DNAH14: variants seen among roughly 807,000 people sequenced by gnomAD.
The protein encoded by DNAH14 is dynein axonemal heavy chain 14.
A neutral mutation model predicts 520.9 loss-of-function variants in DNAH14; 478 were observed. The ratio of observed to expected loss-of-function variants is 0.92; its 90% CI spans 0.85 to 0.99. DNAH14 has a LOEUF of 0.99. Among genes scored for constraint, DNAH14 ranks in the 50% least tolerant of loss-of-function variants. DNAH14 has a pLI of 0.00. For synonymous variants in DNAH14, 1,581 were observed against 1,757.2 expected (o/e 0.90, Z 2.51); for missense variants, 4,831 against 5,234.5 (o/e 0.92, Z 2.38).
chr1:225,171,541 A>G (rs1344550837), intron 36 of DNAH14, among the ~76,000 whole-genome samples: 1 of 152,232 alleles, frequency 6.6e-6, no homozygotes, highest in African/African-American at 2.4e-5. Context: ...AAATTTCTCG[A>G]CACATACACC....
intron 36 of DNAH14, among the ~76,000 whole-genome samples, chr1:225,184,195 G>A (rs1306945926): frequency 6.6e-6 from 1 of 152,092 alleles, no homozygotes; most frequent in Non-Finnish European, 1.5e-5. Flanking sequence ...CAAAATACTA[G>A]CAAACTAAAT....
intron 8 of DNAH14, among the ~76,000 whole-genome samples, chr1:224,977,594 T>C (rs1184541495): frequency 6.6e-6 from 1 of 152,186 alleles, no homozygotes; most frequent in Non-Finnish European, 1.5e-5. Context: ...CACAGATGTA[T>C]ACTTATCTCC....
intron 35 of DNAH14, among the ~76,000 whole-genome samples, chr1:225,163,362 C>T (rs1296614682): frequency 6.6e-6 from 1 of 152,024 alleles, no homozygotes; most frequent in Non-Finnish European, 1.5e-5. Context: ...TTTCTCTTGT[C>T]TGATTGCTCC....
At chr1:224,978,324 A>G (rs985923107) in intron 8 of DNAH14, among the ~76,000 whole-genome samples, 12 of 152,248 alleles carry the variant, frequency 7.9e-5, no homozygotes, top group Admixed American at 4.6e-4. Flanking sequence ...CTATTCAACC[A>G]GAAAAAAAAG....
rs2095457476 is a variant in DNAH14, at chr1:225,358,548, C to A, written c.11672C>A (p.Thr3891Asn). 6.5e-7 allele frequency: 1 copy of A among 1,546,896 alleles called. No individual in the cohort carries two copies. The highest frequency in any genetic ancestry group is 8.7e-7 in the Non-Finnish European group (1 of 1,144,894). ...SLNNSVRKFI[T>N]EKMGNKYLQR... The stretch of plus-strand genomic sequence containing the variant: ...AACAATTCAGTGAGAAAGTTTATAA[C>A]TGAAAAAATGGGAAATAAGTATCTT... The change falls in exon 74 of 86, where the codon ACT (threonine) becomes AAT (asparagine). Residue 3891 changes from threonine to asparagine, a missense_variant. Transcript: ENST00000682510.
intron 81 of DNAH14, among the ~76,000 whole-genome samples, chr1:225,387,030 A>C (rs1400401342): frequency 6.6e-6 from 1 of 152,222 alleles, no homozygotes; most frequent in East Asian, 1.9e-4. Context: ...AATGTGGCAC[A>C]TATACATCAT....
intron 43 of DNAH14, among the ~76,000 whole-genome samples, chr1:225,242,072 A>C (rs998400699): frequency 6.6e-6 from 1 of 152,118 alleles, no homozygotes; most frequent in African/African-American, 2.4e-5. Context: ...AAAACAAATG[A>C]GTGAATAAAT....
intron 19 of DNAH14, among the ~76,000 whole-genome samples, chr1:225,081,368 T>A (rs3105560): frequency 0.8 from 121,081 of 151,896 alleles, 51,627 homozygotes; most frequent in Non-Finnish European, 0.96. Flanking sequence ...TTAAAATTAT[T>A]TAAGAAATAT....
intron 35 of DNAH14, among the ~76,000 whole-genome samples, chr1:225,161,146 A>G (rs542007479): frequency 6.6e-6 from 1 of 152,160 alleles, no homozygotes; most frequent in South Asian, 2.1e-4. Flanking sequence ...CACATTAACC[A>G]TCCCCACTTT....
chr1:225,035,527 A>C (rs1469326850), intron 11 of DNAH14, among the ~76,000 whole-genome samples: 1 of 151,456 alleles, frequency 6.6e-6, no homozygotes, highest in Non-Finnish European at 1.5e-5. Context: ...TTGAGGTAGA[A>C]ACTTACACCT....
At chr1:224,937,411 GCAAA>G (rs1312331694) in intron 1 of DNAH14, among the ~76,000 whole-genome samples, 1 of 151,634 alleles carries the variant, frequency 6.6e-6, no homozygotes, top group Non-Finnish European at 1.5e-5. Flanking sequence ...TACACCAAAA[GCAAA>G]CAATCTGAAA....
chr1:225,266,510 C>T (rs2093124590), intron 48 of DNAH14, 131 bp from the exon 49 acceptor site: 1 of 529,744 alleles, frequency 1.9e-6, no homozygotes, highest in South Asian at 5.4e-5. Context: ...CATGTTATTA[C>T]ATATGATTTT....
intron 21 of DNAH14, among the ~76,000 whole-genome samples, chr1:225,086,289 C>T (rs567929464): frequency 1.7e-4 from 20 of 119,958 alleles, no homozygotes; most frequent in Admixed American, 5.3e-4. Context: ...CCCGCCACGA[C>T]GCCCGGCTAA....
chr1:225,359,686 G>A (rs1209560646), intron 74 of DNAH14, among the ~76,000 whole-genome samples: 3 of 152,178 alleles, frequency 2.0e-5, no homozygotes, highest in Non-Finnish European at 4.4e-5. Flanking sequence ...CTCATAGTAG[G>A]TACTATCCAT....
At chr1:225,326,111 C>G (rs1200955200) in intron 64 of DNAH14, among the ~76,000 whole-genome samples, 1 of 152,168 alleles carries the variant, frequency 6.6e-6, no homozygotes, top group Non-Finnish European at 1.5e-5. Flanking sequence ...TTAGCACTTA[C>G]TGTGTTCCAA....
Position 225,051,760 on chromosome 1 carries a change from T to C in DNAH14, c.2389T>C (p.Ser797Pro). 6.7e-7 allele frequency: 1 copy of C among 1,501,204 alleles called. No individual in the cohort carries two copies. The allele number at this position is 1,501,204 out of a possible 1,614,324, so 93.0% of individuals were successfully genotyped here. A position where few individuals can be genotyped will look rare whatever the true frequency, so the allele number is the denominator to read the frequency against. Residue 797 changes from serine (S) to proline (P), a missense_variant, in exon 17 of 86, where the codon TCT (serine) becomes CCT (proline). Physicochemically the swap from Ser to Pro is moderately conservative, Grantham distance 74. Coordinates refer to ENST00000682510, the MANE Select transcript of DNAH14 (RefSeq NM_001367479.1). ...ACATATGAGCCACACCCTCATACAA[T>C]CTGTAATTGAAAAAAAGAACAAAAA... is the stretch of plus-strand genomic sequence containing the variant. ...VIHMSHTLIQ[S>P]VIEKKNKNLL...
intron 3 of DNAH14, among the ~76,000 whole-genome samples, chr1:224,956,025 A>G (rs1296140612): frequency 6.6e-6 from 1 of 152,114 alleles, no homozygotes; most frequent in East Asian, 1.9e-4. Flanking sequence ...TAATTAATTT[A>G]TAAATAAAAT....
At chr1:225,084,896 G>T (rs904820934) in intron 20 of DNAH14, among the ~76,000 whole-genome samples, 1 of 146,082 alleles carries the variant, frequency 6.8e-6, no homozygotes, top group Non-Finnish European at 1.5e-5. Context: ...GAACTTTGAT[G>T]GTTCTATAGT....
intron 23 of DNAH14, among the ~76,000 whole-genome samples, chr1:225,113,696 C>T (rs1001659517): frequency 6.6e-6 from 1 of 152,220 alleles, no homozygotes; most frequent in African/African-American, 2.4e-5. Context: ...AACCACAAGA[C>T]ACAGTCCTTC....
Sources: gnomAD v4.1 joint callset for allele counts (sites outside exome capture counted in the v4.1 genomes callset) on GRCh38, gnomAD v4.1.1 for gene constraint, MANE v1.5 for transcripts, NCBI Gene and HGNC (gene_info 2026-07-23, HGNC 2026-07-21) for gene names.